The following RTN1 variants were observed in gnomAD, a reference collection of about 807,000 sequenced individuals.
RTN1 encodes the protein reticulon 1.
A neutral mutation model predicts 65.5 loss-of-function variants in RTN1; 25 were observed. The observed-to-expected ratio is 0.38, with a 90% CI of 0.28 to 0.53. The LOEUF is 0.53. Among genes scored for constraint, RTN1 ranks in the 20% least tolerant of loss-of-function variants. The probability of loss-of-function intolerance (pLI) is 0.79; values close to 1 mark genes in which losing one functional copy is unlikely to be tolerated. For missense variants in RTN1, 983 were observed against 1,025.4 expected (o/e 0.96, Z 0.57); for synonymous variants, 471 against 447.6 (o/e 1.05, Z -0.66).
chr14:59,865,722 T>C (rs758871431), intron 1 of RTN1, among the ~76,000 whole-genome samples: 3 of 152,202 alleles, frequency 2.0e-5, no homozygotes, highest in African/African-American at 7.2e-5. Flanking sequence ...CCTATGTAGA[T>C]ACGTTTGTCT....
At chr14:59,822,373 T>A (rs1886958582) in intron 1 of RTN1, among the ~76,000 whole-genome samples, 1 of 152,228 alleles carries the variant, frequency 6.6e-6, no homozygotes, top group South Asian at 2.1e-4. Context: ...TTGTCATTTC[T>A]GATATGTTTA....
At position 59,870,278 on chromosome 14, in the gene RTN1, G is replaced by C. The variant is rs1887872702; in HGVS notation, c.241+112C>G. On this transcript the variant is annotated intron_variant, in intron 1 of 8. Transcript: ENST00000267484. The surrounding 1 kb of genome is among the most constrained non-coding windows in gnomAD (Gnocchi z 5.1). ...CCGTGGCGACGCGGGGGTGGGGTCG[G>C]CGCTCAAGGCAGAAAGCGCGAGGCA... The C allele has an allele frequency of 1.8e-6, 2 of 1,118,402 alleles. No individual in the cohort carries two copies. The highest frequency in any genetic ancestry group is 3.2e-5 in the African/African-American group (2 of 62,036). The allele number at this position is 1,118,402 out of a possible 1,614,324, so 69.3% of individuals were successfully genotyped here.
At chr14:59,786,187 G>T (rs541691900) in intron 1 of RTN1, among the ~76,000 whole-genome samples, 25 of 152,192 alleles carry the variant, frequency 1.6e-4, no homozygotes, top group Non-Finnish European at 3.1e-4. Context: ...CACCAAGGTG[G>T]TCCAGCTGCA....
chr14:59,813,211 A>G (rs1315991261), intron 1 of RTN1, among the ~76,000 whole-genome samples: 1 of 152,168 alleles, frequency 6.6e-6, no homozygotes, highest in Non-Finnish European at 1.5e-5. Flanking sequence ...ATTATTAGAT[A>G]ATTTTTTCTG....
chr14:59,730,368 A>T (rs1408636825), intron 2 of RTN1, among the ~76,000 whole-genome samples: 4 of 152,216 alleles, frequency 2.6e-5, no homozygotes, highest in Non-Finnish European at 5.9e-5. Flanking sequence ...GTATTTTAAA[A>T]TTTCCTTCAA....
At chr14:59,754,902 C>T (rs192130415) in intron 1 of RTN1, among the ~76,000 whole-genome samples, 2 of 152,224 alleles carry the variant, frequency 1.3e-5, no homozygotes, top group South Asian at 2.1e-4. Context: ...GCTCCACGAG[C>T]AGGTGGCGGT....
intron 3 of RTN1, among the ~76,000 whole-genome samples, chr14:59,669,723 C>T (rs1290439674): frequency 6.6e-6 from 1 of 152,138 alleles, no homozygotes; most frequent in Non-Finnish European, 1.5e-5. Flanking sequence ...GTCAAGTCAC[C>T]TATGTCTCTG....
intron 3 of RTN1, among the ~76,000 whole-genome samples, chr14:59,657,789 C>T (rs1471355668): frequency 6.6e-6 from 1 of 152,190 alleles, no homozygotes; most frequent in East Asian, 1.9e-4. Context: ...GCACCAGGGC[C>T]ATGGGTTTCA....
At chr14:59,765,507 A>T (rs1002923240) in intron 1 of RTN1, among the ~76,000 whole-genome samples, 19 of 152,238 alleles carry the variant, frequency 1.2e-4, no homozygotes, top group African/African-American at 4.6e-4. Flanking sequence ...ATACTAGCTT[A>T]CAGTCATCCT....
At position 59,822,734 on chromosome 14, in the gene RTN1, T is replaced by A. The variant is rs560086088; in HGVS notation, c.241+47656A>T. ...GTACCTTTGTTTTCATTAGTTTTTTTAATTTTTGCCTTGATCTCATTCTTT... is the reference window on the plus strand; with the variant it reads ...GTACCTTTGTTTTCATTAGTTTTTTAAATTTTTGCCTTGATCTCATTCTTT... On this transcript the variant is annotated intron_variant, in intron 1 of 8. Coordinates refer to ENST00000267484, the MANE Select transcript of RTN1 (RefSeq NM_021136.3). Among the ~76,000 whole-genome samples, 10 of 152,216 alleles carry A rather than the reference T, an allele frequency of 6.6e-5. No individual in the cohort carries two copies. The East Asian group carries it at 1.3e-3, about 21-fold the overall frequency.
rs11559111 is a variant in RTN1 at position 59,607,389 on chromosome 14, G to A, written c.1869C>T (p.Val623=). Residue 623 remains valine (V), a synonymous_variant, in exon 4 of 9, where the codon GTC becomes GTT. Coordinates refer to ENST00000267484, the MANE Select transcript of RTN1 (RefSeq NM_021136.3). ...FSLTQFSVVS[V]VAYLALAALS... ...GTGCGGCCAGGGCCAGGTAGGCCAC[G>A]ACGCTCACCACGCTGAACTGGGTCA... The A allele has an allele frequency of 6.2e-7, 1 of 1,614,086 alleles. No individual in the cohort carries two copies. The highest frequency in any genetic ancestry group is 2.2e-5 in the East Asian group (1 of 44,838).
At chr14:59,739,222 G>A (rs898826310) in intron 2 of RTN1, among the ~76,000 whole-genome samples, 1 of 152,092 alleles carries the variant, frequency 6.6e-6, no homozygotes, top group East Asian at 1.9e-4. Flanking sequence ...GTTAGGATGA[G>A]CTTAAAAGGG....
intron 1 of RTN1, among the ~76,000 whole-genome samples, chr14:59,821,052 A>T (rs1886935566): frequency 6.6e-6 from 1 of 152,184 alleles, no homozygotes; most frequent in South Asian, 2.1e-4. Flanking sequence ...GTGAAAAACG[A>T]CATTGGTAGT....
At chr14:59,674,631 C>T (rs1407346628) in intron 3 of RTN1, among the ~76,000 whole-genome samples, 1 of 152,106 alleles carries the variant, frequency 6.6e-6, no homozygotes, top group African/African-American at 2.4e-5. Flanking sequence ...AGAAACCAAA[C>T]ATAAAGGCTG....
chr14:59,638,094 C>T (rs1253274482), intron 3 of RTN1, among the ~76,000 whole-genome samples: 2 of 152,068 alleles, frequency 1.3e-5, no homozygotes, highest in African/African-American at 2.4e-5. Flanking sequence ...TCAGGTGATC[C>T]GCCCCCTTCA....
At chr14:59,776,897 G>A (rs527299371) in intron 1 of RTN1, among the ~76,000 whole-genome samples, 3 of 152,170 alleles carry the variant, frequency 2.0e-5, no homozygotes, top group African/African-American at 7.2e-5. Flanking sequence ...TCAGAACTCA[G>A]AGGGACATGA....
At chr14:59,675,803 A>G (rs1253376212) in intron 3 of RTN1, among the ~76,000 whole-genome samples, 4 of 152,060 alleles carry the variant, frequency 2.6e-5, no homozygotes, top group African/African-American at 4.8e-5. Flanking sequence ...TGAATTTTAT[A>G]TTTAAGATAT....
intron 1 of RTN1, among the ~76,000 whole-genome samples, chr14:59,780,245 C>G (rs532551316): frequency 4.2e-4 from 64 of 152,314 alleles, no homozygotes; most frequent in African/African-American, 1.3e-3. Flanking sequence ...AGAGGAGGTA[C>G]TGAATTCCAT....
chr14:59,618,071 T>C (rs1468542753), intron 3 of RTN1, among the ~76,000 whole-genome samples: 1 of 152,114 alleles, frequency 6.6e-6, no homozygotes, highest in Non-Finnish European at 1.5e-5. Context: ...GCTTCTAACC[T>C]CTAAGCTGTC....
Sources: gnomAD v4.1 joint callset for allele counts (sites outside exome capture counted in the v4.1 genomes callset) on GRCh38, gnomAD v4.1.1 for gene constraint, Gnocchi (gnomAD v3.1) non-coding constraint, MANE v1.5 for transcripts, NCBI Gene and HGNC (gene_info 2026-07-23, HGNC 2026-07-21) for gene names.